LHFPL3: variants seen among roughly 807,000 people sequenced by gnomAD.
The protein encoded by LHFPL3 is LHFPL tetraspan subfamily member 3 protein.
Under a neutral mutation model 19.3 loss-of-function variants are expected in LHFPL3, and 5 were observed. The ratio of observed to expected loss-of-function variants is 0.26; its 90% CI spans 0.14 to 0.54. The LOEUF (loss-of-function observed/expected upper bound fraction) is 0.54, where lower values mean the gene tolerates loss of function less well. Ranked by LOEUF, LHFPL3 falls within the 20% of genes least tolerant of loss-of-function variation. The pLI is 0.94. For missense variants in LHFPL3, 249 were observed against 307.4 expected, an observed-to-expected ratio of 0.81 and a Z score of 1.42; for synonymous variants, 133 against 126.2, an observed-to-expected ratio of 1.05 and a Z score of -0.36.
chr7:104,444,125 TC>T (rs1792280936), intron 1 of LHFPL3, among the ~76,000 whole-genome samples: 1 of 152,314 alleles, frequency 6.6e-6, no homozygotes, highest in South Asian at 2.1e-4. Context: ...GCTTTCCTTC[TC>T]AGATGTGGTT....
rs984425610 is a variant in LHFPL3, at chr7:104,596,849, C to G, written c.446-139826C>G. On this transcript the variant is annotated intron_variant, in intron 1 of 2. Transcript: ENST00000424859. The stretch of plus-strand genomic sequence containing the variant: ...CGACTAATGAGTTCTAAATCATTAT[C>G]TGTTTACATGTTTGTTCTCCCCAAG... Among the ~76,000 whole-genome samples, 36 of 152,312 alleles carry G rather than the reference C, an allele frequency of 2.4e-4. 1 individual carries two copies. Among genetic ancestry groups the G allele is most frequent in the African/African-American group, 7.9e-4 (33 of 41,574 alleles).
chr7:104,448,366 G>A (rs1490035229), intron 1 of LHFPL3, among the ~76,000 whole-genome samples: 1 of 152,074 alleles, frequency 6.6e-6, no homozygotes, highest in Non-Finnish European at 1.5e-5. Context: ...TTCTTCCTTG[G>A]CAGGCACAGA....
intron 1 of LHFPL3, among the ~76,000 whole-genome samples, chr7:104,656,765 C>T (rs991287364): frequency 6.6e-6 from 1 of 152,208 alleles, no homozygotes; most frequent in African/African-American, 2.4e-5. Flanking sequence ...GGCCAAATAT[C>T]TCCTGATTAT....
intron 1 of LHFPL3, chr7:104,668,516 C>T: frequency 6.2e-7 from 1 of 1,613,192 alleles, no homozygotes; most frequent in South Asian, 1.1e-5. Flanking sequence ...GCTATGATGA[C>T]CGAGGCAGCA....
intron 1 of LHFPL3, among the ~76,000 whole-genome samples, chr7:104,619,733 A>T (rs923526993): frequency 1.1e-4 from 17 of 152,298 alleles, no homozygotes; most frequent in African/African-American, 4.1e-4. Context: ...TTATTCCTCA[A>T]GGAGTTTATA....
At chr7:104,731,913 A>G (rs1224379123) in intron 1 of LHFPL3, among the ~76,000 whole-genome samples, 4 of 152,164 alleles carry the variant, frequency 2.6e-5, no homozygotes, top group Admixed American at 6.5e-5. Context: ...TACCTAATTT[A>G]TTGAGAGTTT....
chr7:104,474,687 C>CAAAAAAAAAAAAA (rs928431129), intron 1 of LHFPL3, among the ~76,000 whole-genome samples: 5 of 41,040 alleles, frequency 1.2e-4, no homozygotes, highest in East Asian at 5.2e-4. Context: ...ACAACAACAA[C>CAAAAAAAAAAAAA]AAAAAAAAAA....
chr7:104,830,969 A>T (rs534417578), intron 2 of LHFPL3, among the ~76,000 whole-genome samples: 1 of 151,986 alleles, frequency 6.6e-6, no homozygotes, highest in South Asian at 2.1e-4. Flanking sequence ...CATAATTGTT[A>T]ATAACACCCC....
intron 1 of LHFPL3, among the ~76,000 whole-genome samples, chr7:104,373,247 G>A (rs1033368381): frequency 1.3e-5 from 2 of 152,112 alleles, no homozygotes; most frequent in Admixed American, 6.6e-5. Flanking sequence ...AAGACGAGGT[G>A]CCTGAATTTT....
At chr7:104,377,944 G>A (rs1790748284) in intron 1 of LHFPL3, among the ~76,000 whole-genome samples, 1 of 152,164 alleles carries the variant, frequency 6.6e-6, no homozygotes, top group Non-Finnish European at 1.5e-5. Context: ...TAAAATGGAT[G>A]CAGCACTGCA....
intron 1 of LHFPL3, among the ~76,000 whole-genome samples, chr7:104,674,668 G>T (rs1169069408): frequency 6.6e-6 from 1 of 152,062 alleles, no homozygotes; most frequent in Non-Finnish European, 1.5e-5. Flanking sequence ...CACCCACTCG[G>T]GAAAGGGACT....
intron 1 of LHFPL3, among the ~76,000 whole-genome samples, chr7:104,599,858 G>A (rs1335807932): frequency 1.3e-5 from 2 of 152,168 alleles, no homozygotes; most frequent in Non-Finnish European, 2.9e-5. Context: ...TGGCTAATGA[G>A]GCCAGTGATC....
At chr7:104,371,292 TACA>T (rs1253397612) in intron 1 of LHFPL3, among the ~76,000 whole-genome samples, 9 of 152,210 alleles carry the variant, frequency 5.9e-5, no homozygotes, top group Non-Finnish European at 1.3e-4. Flanking sequence ...CTCCACTTCT[TACA>T]ACATCAAAAT....
intron 1 of LHFPL3, among the ~76,000 whole-genome samples, chr7:104,641,872 G>A (rs1010371846): frequency 3.3e-5 from 5 of 151,988 alleles, no homozygotes; most frequent in Non-Finnish European, 7.4e-5. Flanking sequence ...GGTGATTACC[G>A]AAGAAAATGA....
intron 1 of LHFPL3, among the ~76,000 whole-genome samples, chr7:104,495,866 A>C (rs953494775): frequency 5.9e-5 from 9 of 152,212 alleles, no homozygotes; most frequent in African/African-American, 2.2e-4. Context: ...TTCTCAATAC[A>C]TGCTAGATAC....
At chr7:104,880,087 G>T (rs1792017854) in intron 2 of LHFPL3, among the ~76,000 whole-genome samples, 1 of 152,046 alleles carries the variant, frequency 6.6e-6, no homozygotes. Flanking sequence ...GATAAGGTTT[G>T]GATATCTGTC....
intron 2 of LHFPL3, among the ~76,000 whole-genome samples, chr7:104,903,408 C>G (rs1315781914): frequency 2.6e-5 from 4 of 151,924 alleles, no homozygotes; most frequent in Non-Finnish European, 1.5e-5. Flanking sequence ...TTCCCCTGCC[C>G]CACACACACA....
intron 1 of LHFPL3, among the ~76,000 whole-genome samples, chr7:104,552,744 G>A (rs1395852570): frequency 6.6e-6 from 1 of 152,180 alleles, no homozygotes; most frequent in Non-Finnish European, 1.5e-5. Context: ...AATATTTTAA[G>A]TGTAGAGGAT....
At chr7:104,368,553 T>C (rs1790541994) in intron 1 of LHFPL3, among the ~76,000 whole-genome samples, 1 of 152,186 alleles carries the variant, frequency 6.6e-6, no homozygotes, top group Non-Finnish European at 1.5e-5. Flanking sequence ...CTTTTATTTC[T>C]TTGTTCCTGC....
Sources: gnomAD v4.1 joint callset for allele counts (sites outside exome capture counted in the v4.1 genomes callset) on GRCh38, gnomAD v4.1.1 for gene constraint, MANE v1.5 for transcripts, NCBI Gene and HGNC (gene_info 2026-07-23, HGNC 2026-07-21) for gene names.